The following CDKAL1 variants were observed in gnomAD, a reference collection of about 807,000 sequenced individuals.
CDKAL1 encodes CDKAL1 threonylcarbamoyladenosine tRNA methylthiotransferase.
A neutral mutation model predicts 68.2 loss-of-function variants in CDKAL1; 32 were observed. The ratio of observed to expected loss-of-function variants is 0.47; its 90% CI spans 0.35 to 0.63. The LOEUF (loss-of-function observed/expected upper bound fraction) is 0.63, where lower values mean the gene tolerates loss of function less well. CDKAL1 is among the 30% of genes least tolerant of loss of function. The pLI is 0.00. For missense variants in CDKAL1, 606 were observed against 696.7 expected (o/e 0.87, Z 1.47); for synonymous variants, 234 against 244.3 (o/e 0.96, Z 0.39).
intron 13 of CDKAL1, among the ~76,000 whole-genome samples, chr6:21,116,898 T>G (rs532271169): frequency 2.0e-5 from 3 of 152,306 alleles, no homozygotes; most frequent in Admixed American, 2.0e-4. Context: ...TTCACTAGTA[T>G]GAGGAAGAAA....
At chr6:20,775,177 C>A (rs1023527854) in intron 7 of CDKAL1, among the ~76,000 whole-genome samples, 1 of 152,128 alleles carries the variant, frequency 6.6e-6, no homozygotes, top group Non-Finnish European at 1.5e-5. Flanking sequence ...ACCATCTCCT[C>A]GGTGGCCTCA....
chr6:20,928,511 G>A (rs1763280972), intron 9 of CDKAL1, among the ~76,000 whole-genome samples: 1 of 151,966 alleles, frequency 6.6e-6, no homozygotes, highest in African/African-American at 2.4e-5. Context: ...CAGTATCAAA[G>A]GGGATCTCTA....
intron 8 of CDKAL1, among the ~76,000 whole-genome samples, chr6:20,783,428 C>T (rs10946408): frequency 0.1 from 15,689 of 152,166 alleles, 876 homozygotes; most frequent in African/African-American, 0.13. Flanking sequence ...CTATGTTCTT[C>T]TTCATTTTGT....
At chr6:21,175,621 C>T (rs957790134) in intron 13 of CDKAL1, among the ~76,000 whole-genome samples, 1 of 152,146 alleles carries the variant, frequency 6.6e-6, no homozygotes, top group African/African-American at 2.4e-5. Context: ...TTATTGTACA[C>T]TGATTTCTCC....
At chr6:20,536,000 C>T (rs890227939) in intron 2 of CDKAL1, among the ~76,000 whole-genome samples, 4 of 152,152 alleles carry the variant, frequency 2.6e-5, no homozygotes, top group Non-Finnish European at 5.9e-5. Context: ...GGCTCGATTA[C>T]GGCTCACTGC....
intron 11 of CDKAL1, among the ~76,000 whole-genome samples, chr6:21,031,706 A>C (rs1219589423): frequency 1.3e-5 from 2 of 152,040 alleles, no homozygotes; most frequent in Non-Finnish European, 2.9e-5. Context: ...ACTGGCTTGT[A>C]AGTCTGCCCC....
rs144626868 is a variant in CDKAL1, at chr6:20,652,308, G to A, written c.371+2931G>A. 4.8e-3 allele frequency among the ~76,000 whole-genome samples: 738 copies of A among 152,260 alleles called. 4 individuals carry two copies. Among genetic ancestry groups the A allele is most frequent in the African/African-American group, 0.017 (692 of 41,554 alleles). ...ATACTTTGTGAAGTTGCCTGACACAGTCCTTGCCTCTTTTCCCTGCCCATT... is the reference window on the plus strand; with the variant it reads ...ATACTTTGTGAAGTTGCCTGACACAATCCTTGCCTCTTTTCCCTGCCCATT... On this transcript the variant is annotated intron_variant, in intron 5 of 15. Transcript: ENST00000274695.
chr6:21,040,083 C>T (rs1769835803), intron 11 of CDKAL1, among the ~76,000 whole-genome samples: 1 of 152,122 alleles, frequency 6.6e-6, no homozygotes, highest in Admixed American at 6.6e-5. Flanking sequence ...GTCTCCAAAT[C>T]CCTTTTTTTA....
chr6:20,618,889 G>A (rs1767052396), intron 4 of CDKAL1, among the ~76,000 whole-genome samples: 1 of 151,946 alleles, frequency 6.6e-6, no homozygotes, highest in Non-Finnish European at 1.5e-5. Flanking sequence ...ATGTTGCCTG[G>A]GCTGGTCTTG....
intron 9 of CDKAL1, among the ~76,000 whole-genome samples, chr6:20,933,988 TTA>T: frequency 6.6e-6 from 1 of 151,834 alleles, no homozygotes; most frequent in South Asian, 2.1e-4. Flanking sequence ...ATTCAAGGCA[TTA>T]TATATATATG....
chr6:20,918,223 G>C (rs1364913613), intron 9 of CDKAL1, among the ~76,000 whole-genome samples: 1 of 152,202 alleles, frequency 6.6e-6, no homozygotes, highest in Non-Finnish European at 1.5e-5. Flanking sequence ...CACCAAATCT[G>C]CTGGCACATT....
chr6:20,653,342 A>AT (rs2127763889), intron 5 of CDKAL1, among the ~76,000 whole-genome samples: 1 of 152,266 alleles, frequency 6.6e-6, no homozygotes, highest in African/African-American at 2.4e-5. Flanking sequence ...CCAGTAATGG[A>AT]TGTGTGCATT....
chr6:21,103,069 A>C (rs952119702), intron 12 of CDKAL1, among the ~76,000 whole-genome samples: 1 of 152,232 alleles, frequency 6.6e-6, no homozygotes, highest in Non-Finnish European at 1.5e-5. Context: ...ATCATTTTTA[A>C]GAATCCGTAT....
In CDKAL1 at chr6:21,162,100, C is replaced by G. The variant is rs554344711; in HGVS notation, c.1300-35921C>G. Among the ~76,000 whole-genome samples the G allele has an allele frequency of 3.9e-5, 6 of 152,218 alleles. No homozygotes were observed. The East Asian group carries it at 1.2e-3, about 29-fold the overall frequency. On this transcript the variant is annotated intron_variant, in intron 13 of 15. Transcript: ENST00000274695. ...GTAGAGGTTTGAGGTTGAGATATGT[C>G]CTGGTAGAGAGGGAAGAGATTATTT...
chr6:20,911,361 A>C (rs565491829), intron 9 of CDKAL1, among the ~76,000 whole-genome samples: 1 of 152,326 alleles, frequency 6.6e-6, no homozygotes, highest in South Asian at 2.1e-4. Flanking sequence ...CCAGTGTATA[A>C]CATTGCAAAA....
chr6:21,178,736 C>A (rs1777680389), intron 13 of CDKAL1, among the ~76,000 whole-genome samples: 1 of 152,158 alleles, frequency 6.6e-6, no homozygotes, highest in Non-Finnish European at 1.5e-5. Flanking sequence ...ATTCGTATAG[C>A]AATTTTCAGT....
At chr6:20,846,014 C>T in intron 8 of CDKAL1, 61 bp from the exon 9 acceptor site, 1 of 1,000,762 alleles carries the variant, frequency 1.0e-6, no homozygotes, top group Non-Finnish European at 1.5e-6. Flanking sequence ...GAGGTATCCC[C>T]ATGTTAAGTA....
At position 21,011,252 on chromosome 6, in the gene CDKAL1, C is replaced by T. The variant is rs547106609; in HGVS notation, c.1055+10880C>T. Reference sequence around the variant, plus strand: ...CAAAAAAATTAGCCGGGCGCGGTGGCGGGCACCTGTAGTCCCAGCTACTCG... The same window carrying T: ...CAAAAAAATTAGCCGGGCGCGGTGGTGGGCACCTGTAGTCCCAGCTACTCG... On this transcript the variant is annotated intron_variant, in intron 11 of 15. Transcript: ENST00000274695. Among the ~76,000 whole-genome samples, 440 of 151,062 alleles carry T rather than the reference C, an allele frequency of 2.9e-3. 5 individuals are homozygous for T. Among genetic ancestry groups the T allele is most frequent in the African/African-American group, 0.01 (413 of 41,116 alleles).
intron 6 of CDKAL1, among the ~76,000 whole-genome samples, chr6:20,740,656 A>G (rs1773414442): frequency 6.6e-6 from 1 of 152,206 alleles, no homozygotes; most frequent in African/African-American, 2.4e-5. Context: ...CTTATTTGAT[A>G]TACTACTGAC....
Sources: gnomAD v4.1 joint callset for allele counts (sites outside exome capture counted in the v4.1 genomes callset) on GRCh38, gnomAD v4.1.1 for gene constraint, MANE v1.5 for transcripts, NCBI Gene and HGNC (gene_info 2026-07-23, HGNC 2026-07-21) for gene names.